Variants in LARGE1 observed in about 807,000 individuals in gnomAD.
LARGE1 encodes LARGE xylosyl- and glucuronyltransferase 1, also known as xylosyl- and glucuronyltransferase LARGE1.
A neutral mutation model predicts 87.6 loss-of-function variants in LARGE1; 43 were observed. The ratio of observed to expected loss-of-function variants is 0.49; its 90% CI spans 0.38 to 0.63. The LOEUF (loss-of-function observed/expected upper bound fraction) is 0.63, where lower values mean the gene tolerates loss of function less well. Ranked by LOEUF, LARGE1 falls within the 30% of genes least tolerant of loss-of-function variation. The pLI is 0.00. For missense variants in LARGE1, 802 were observed against 1,000.2 expected, an observed-to-expected ratio of 0.80 and a Z score of 2.67; for synonymous variants, 434 against 394.6, an observed-to-expected ratio of 1.10 and a Z score of -1.18.
Position 33,659,647 on chromosome 22 carries a change from A to T in LARGE1, c.107-8979T>A, listed in dbSNP as rs540552344. On this transcript the variant is annotated intron_variant, in intron 2 of 14. Transcript: ENST00000397394. ...GAATGTTTTGCCCCAAAATTCCCCT[A>T]AGTGATTTTCTGGAAGTTATCTTTG... Among the ~76,000 whole-genome samples, 18 of 151,548 alleles carry T rather than the reference A, an allele frequency of 1.2e-4. No homozygotes were observed. In the South Asian group the frequency reaches 3.8e-3, roughly 32 times the overall value.
intron 1 of LARGE1, among the ~76,000 whole-genome samples, chr22:33,853,763 C>T (rs931702324): frequency 1.3e-5 from 2 of 152,234 alleles, no homozygotes; most frequent in African/African-American, 4.8e-5. Flanking sequence ...GATATGTCTG[C>T]CTGTTGTGCC....
At chr22:33,726,488 C>T (rs556915880) in intron 2 of LARGE1, among the ~76,000 whole-genome samples, 8 of 152,294 alleles carry the variant, frequency 5.3e-5, no homozygotes, top group African/African-American at 1.9e-4. Flanking sequence ...TACTCGTAAA[C>T]ACGTGGCAAT....
Position 33,289,248 on chromosome 22 carries a change from G to A in LARGE1, c.1731-5900C>T, listed in dbSNP as rs544443175. Among the ~76,000 whole-genome samples the A allele has an allele frequency of 5.1e-4, 78 of 152,170 alleles. 1 individual carries two copies. Among genetic ancestry groups the A allele is most frequent in the Non-Finnish European group, 2.1e-4 (14 of 68,006 alleles). The stretch of plus-strand genomic sequence containing the variant: ...GCTGGAATTACAGGCATGAGCCACC[G>A]CGCCCAGCTGGACCAAGGAGTTCTT... On this transcript the variant is annotated intron_variant, in intron 12 of 14. Coordinates refer to ENST00000397394, the MANE Select transcript of LARGE1 (RefSeq NM_133642.5).
intron 11 of LARGE1, among the ~76,000 whole-genome samples, chr22:33,200,113 CTGGGTTTACAAG>C (rs1924303135): frequency 6.6e-6 from 1 of 152,098 alleles, no homozygotes; most frequent in Admixed American, 6.6e-5. Flanking sequence ...TCCCAAAGTG[CTGGGTTTACAAG>C]TGTGAGCCAC....
intron 1 of LARGE1, among the ~76,000 whole-genome samples, chr22:33,807,371 A>C (rs868600583): frequency 1.3e-5 from 2 of 152,158 alleles, no homozygotes; most frequent in Non-Finnish European, 2.9e-5. Context: ...TTTTTTAAAA[A>C]TAGACTTTAT....
At chr22:33,822,447 C>G (rs1409199581) in intron 1 of LARGE1, among the ~76,000 whole-genome samples, 1 of 152,112 alleles carries the variant, frequency 6.6e-6, no homozygotes, top group Non-Finnish European at 1.5e-5. Context: ...ACCTGTAATC[C>G]CAGTACTTTG....
chr22:33,350,637 CG>C (rs1940277701), intron 9 of LARGE1, among the ~76,000 whole-genome samples: 1 of 152,266 alleles, frequency 6.6e-6, no homozygotes, highest in East Asian at 1.9e-4. Flanking sequence ...GGGTGGGCAC[CG>C]TAGGATTCGC....
chr22:33,181,239 T>A (rs137368), intron 11 of LARGE1, among the ~76,000 whole-genome samples: 1 of 152,018 alleles, frequency 6.6e-6, no homozygotes, highest in Admixed American at 6.6e-5. Flanking sequence ...AAAATTTTTA[T>A]GAAGAAGAGG....
At chr22:33,728,786 C>G (rs16992903) in intron 2 of LARGE1, among the ~76,000 whole-genome samples, 3,320 of 152,182 alleles carry the variant, frequency 0.022, 88 homozygotes, top group African/African-American at 0.06. Flanking sequence ...GGTAGACACT[C>G]AATAATTATC....
intron 10 of LARGE1, among the ~76,000 whole-genome samples, chr22:33,333,348 T>A (rs892942630): frequency 6.6e-6 from 1 of 152,020 alleles, no homozygotes; most frequent in African/African-American, 2.4e-5. Flanking sequence ...GTCCCTCCAG[T>A]TTTGTCTTTT....
chr22:33,149,884 T>G, the LARGE1 span, among the ~76,000 whole-genome samples: 1 of 152,198 alleles, frequency 6.6e-6, no homozygotes, highest in South Asian at 2.1e-4. Flanking sequence ...TTCTTATGCT[T>G]AGGATCTGTC....
At chr22:33,071,026 A>T in the LARGE1 span, among the ~76,000 whole-genome samples, 4 of 152,202 alleles carry the variant, frequency 2.6e-5, no homozygotes, top group African/African-American at 9.6e-5. Context: ...AAAATTAAAA[A>T]AAATAAAAAA....
At chr22:33,377,301 C>T (rs761516883) in intron 9 of LARGE1, among the ~76,000 whole-genome samples, 8 of 152,226 alleles carry the variant, frequency 5.3e-5, no homozygotes, top group South Asian at 2.1e-4. Context: ...TCTGCAGGCA[C>T]GTCTGCCCAG....
At chr22:33,675,689 T>C (rs1289267420) in intron 2 of LARGE1, among the ~76,000 whole-genome samples, 1 of 152,174 alleles carries the variant, frequency 6.6e-6, no homozygotes, top group Non-Finnish European at 1.5e-5. Flanking sequence ...ACCACAATTT[T>C]GAGTCACCTG....
At chr22:33,664,238 C>G (rs1010920313) in intron 2 of LARGE1, among the ~76,000 whole-genome samples, 1 of 152,210 alleles carries the variant, frequency 6.6e-6, no homozygotes, top group Admixed American at 6.5e-5. Context: ...CCTTTCATGT[C>G]CCCACATCCA....
chr22:33,657,144 GACCCTTTC>G (rs2080983188), intron 2 of LARGE1: 1 of 152,228 alleles, frequency 6.6e-6, no homozygotes, highest in African/African-American at 2.4e-5. Flanking sequence ...AGGGGGCTCA[GACCCTTTC>G]AGGGGTGACA....
At chr22:33,229,298 T>C (rs1225960492) in intron 11 of LARGE1, among the ~76,000 whole-genome samples, 1 of 152,038 alleles carries the variant, frequency 6.6e-6, no homozygotes, top group East Asian at 1.9e-4. Context: ...TAATAAATTA[T>C]AATGAAGGAA....
intron 1 of LARGE1, among the ~76,000 whole-genome samples, chr22:33,833,387 GGCCCT>G (rs1379436161): frequency 6.6e-6 from 1 of 152,088 alleles, no homozygotes; most frequent in Non-Finnish European, 1.5e-5. Flanking sequence ...TGTATGAGTG[GGCCCT>G]AATCCAGAAT....
intron 10 of LARGE1, among the ~76,000 whole-genome samples, chr22:33,318,425 A>G (rs904966268): frequency 6.6e-6 from 1 of 152,142 alleles, no homozygotes; most frequent in Admixed American, 6.5e-5. Context: ...CCATGTCCCT[A>G]CAAAGGACAT....
Sources: gnomAD v4.1 joint callset for allele counts (sites outside exome capture counted in the v4.1 genomes callset) on GRCh38, gnomAD v4.1.1 for gene constraint, MANE v1.5 for transcripts, NCBI Gene and HGNC (gene_info 2026-07-23, HGNC 2026-07-21) for gene names.